The following ASRGL1 variants were observed in gnomAD, a reference collection of about 807,000 sequenced individuals.
ASRGL1 encodes isoaspartyl peptidase/L-asparaginase.
Under a neutral mutation model 22.4 loss-of-function variants are expected in ASRGL1, and 16 were observed. The ratio of observed to expected loss-of-function variants is 0.71; its 90% CI spans 0.48 to 1.08. The LOEUF is 1.08. ASRGL1 is among the 50% of genes least tolerant of loss of function. The pLI, the probability that ASRGL1 is intolerant of heterozygous loss-of-function variation, is 0.00. For synonymous variants in ASRGL1, 165 were observed against 159.3 expected, an observed-to-expected ratio of 1.04 and a Z score of -0.27; for missense variants, 412 against 410.1, an observed-to-expected ratio of 1.00 and a Z score of -0.04.
the ASRGL1 span, among the ~76,000 whole-genome samples, chr11:62,399,270 A>G: frequency 6.6e-6 from 1 of 152,322 alleles, no homozygotes; most frequent in South Asian, 2.1e-4. Context: ...ACAAAGGGTC[A>G]GGACTCAGGG....
chr11:62,351,437 G>A (rs763036337), intron 2 of ASRGL1, among the ~76,000 whole-genome samples: 1 of 152,106 alleles, frequency 6.6e-6, no homozygotes, highest in Non-Finnish European at 1.5e-5. Context: ...ATCACCTGAA[G>A]TCAGGAGTTC....
chr11:62,372,542 G>A (rs538942227), intron 4 of ASRGL1: 3 of 936,148 alleles, frequency 3.2e-6, no homozygotes, highest in East Asian at 2.4e-5. Flanking sequence ...GTTCCCCAGC[G>A]AGTGGCCATC....
chr11:62,366,328 A>C (rs1290105099), intron 4 of ASRGL1, among the ~76,000 whole-genome samples: 2 of 147,500 alleles, frequency 1.4e-5, no homozygotes, highest in Non-Finnish European at 3.0e-5. Flanking sequence ...CGATTTTTCA[A>C]GATACATTTA....
chr11:62,384,031 TGTGC>T (rs937163625), intron 4 of ASRGL1, among the ~76,000 whole-genome samples: 22 of 140,078 alleles, frequency 1.6e-4, no homozygotes, highest in African/African-American at 5.8e-4. Context: ...TGTGCACGTG[TGTGC>T]GTGTGTGTGT....
chr11:62,372,850 A>G (rs879146170), intron 4 of ASRGL1: 8 of 1,603,274 alleles, frequency 5.0e-6, no homozygotes, highest in South Asian at 2.2e-5. Flanking sequence ...AACACCTCCC[A>G]TGAATCTACC....
At chr11:62,385,762 T>G (rs1421637983) in intron 4 of ASRGL1, among the ~76,000 whole-genome samples, 5 of 150,946 alleles carry the variant, frequency 3.3e-5, no homozygotes, top group African/African-American at 4.9e-5. Context: ...TACTTGGGAG[T>G]CTGAGGCAGG....
intron 2 of ASRGL1, among the ~76,000 whole-genome samples, chr11:62,352,987 T>C (rs141772875): frequency 7.5e-4 from 114 of 152,310 alleles, no homozygotes; most frequent in East Asian, 7.3e-3. Context: ...TACAAGGAAT[T>C]TTCAGGCATT....
rs1314584138 is a variant in ASRGL1 at position 62,392,440 on chromosome 11, G to A, written c.*156G>A. 9 of 927,592 alleles carry A rather than the reference G, an allele frequency of 9.7e-6. No homozygotes were observed. Among genetic ancestry groups the A allele is most frequent in the Non-Finnish European group, 1.5e-5 (9 of 619,272 alleles). The allele number at this position is 927,592 out of a possible 1,614,324, so 57.5% of individuals were successfully genotyped here. A position where few individuals can be genotyped will look rare whatever the true frequency, so the allele number is the denominator to read the frequency against. ...AAGCATCTGAATGTTTGGTTGTGGG[G>A]CGGGTTCTGAAGCGATGAGAGAAAT... On this transcript the variant is annotated 3_prime_UTR_variant, in exon 7 of 7. Coordinates refer to ENST00000415229, the MANE Select transcript of ASRGL1 (RefSeq NM_001083926.2).
At chr11:62,372,291 G>A in intron 4 of ASRGL1, 2 of 1,602,778 alleles carry the variant, frequency 1.2e-6, no homozygotes, top group Non-Finnish European at 1.7e-6. Flanking sequence ...TGCGTTTGGG[G>A]AAAACAAGAT....
intron 2 of ASRGL1, among the ~76,000 whole-genome samples, chr11:62,353,748 A>G (rs1015770510): frequency 6.6e-6 from 1 of 152,128 alleles, no homozygotes; most frequent in Non-Finnish European, 1.5e-5. Flanking sequence ...TTGGTTCTTC[A>G]TATGATGAGT....
intron 4 of ASRGL1, among the ~76,000 whole-genome samples, chr11:62,365,684 CTAAAAATACAGAAAAAT>C (rs1445083958): frequency 6.6e-6 from 1 of 152,058 alleles, no homozygotes; most frequent in Non-Finnish European, 1.5e-5. Flanking sequence ...TTCATCTCTA[CTAAAAATACAGAAAAAT>C]TAGCTGGGTG....
At chr11:62,347,485 A>G (rs550969389) in intron 2 of ASRGL1, among the ~76,000 whole-genome samples, 1 of 152,112 alleles carries the variant, frequency 6.6e-6, no homozygotes, top group East Asian at 1.9e-4. Flanking sequence ...CAGTCATCTC[A>G]TTGGCATACA....
At chr11:62,377,466 T>C (rs145445016) in intron 4 of ASRGL1, among the ~76,000 whole-genome samples, 155 of 152,296 alleles carry the variant, frequency 1.0e-3, no homozygotes, top group Non-Finnish European at 1.2e-3. Context: ...TTTGAGCCGA[T>C]TGATAATGAG....
At position 62,380,331 on chromosome 11, in the gene ASRGL1, C is replaced by G. The variant is rs186539979; in HGVS notation, c.492-8802C>G. Among the ~76,000 whole-genome samples the G allele has an allele frequency of 1.7e-3, 259 of 152,212 alleles. 2 individuals carry two copies. The highest frequency in any genetic ancestry group is 5.9e-3 in the African/African-American group (245 of 41,506). On this transcript the variant is annotated intron_variant, in intron 4 of 6. Coordinates refer to ENST00000415229, the MANE Select transcript of ASRGL1 (RefSeq NM_001083926.2). ...GGTAATTGACTTTTGAGCAGCATCT[C>G]GGAGCCTTGCCACAAAATCAGGGTA...
At chr11:62,386,322 G>A (rs1240897497) in intron 4 of ASRGL1, among the ~76,000 whole-genome samples, 2 of 150,078 alleles carry the variant, frequency 1.3e-5, no homozygotes, top group South Asian at 2.1e-4. Context: ...ACTCAACTGC[G>A]GTCTGATGTT....
rs1364734885 is a variant in ASRGL1, at chr11:62,392,346, C to T, written c.*62C>T. 1.3e-6 allele frequency: 2 copies of T among 1,568,104 alleles called. No individual in the cohort carries two copies. The highest frequency in any genetic ancestry group is 1.4e-5 in the African/African-American group (1 of 73,814). ...GGTCAAGTACAGTCTCCTCATGAGA[C>T]ATAGCCTAATCAATTAGATCTAGAA... On this transcript the variant is annotated 3_prime_UTR_variant, in exon 7 of 7. Coordinates refer to ENST00000415229, the MANE Select transcript of ASRGL1 (RefSeq NM_001083926.2).
At chr11:62,362,009 C>T (rs1291017600) in intron 4 of ASRGL1, among the ~76,000 whole-genome samples, 1 of 152,056 alleles carries the variant, frequency 6.6e-6, no homozygotes, top group Non-Finnish European at 1.5e-5. Flanking sequence ...GAAGGCAAGC[C>T]TGTGATAATG....
intron 2 of ASRGL1, among the ~76,000 whole-genome samples, chr11:62,342,503 T>C (rs976015499): frequency 6.6e-6 from 1 of 152,224 alleles, no homozygotes; most frequent in African/African-American, 2.4e-5. Context: ...TACACATAAA[T>C]GGCAGCACTT....
intron 4 of ASRGL1, 77 bp downstream of exon 4, chr11:62,357,221 G>GTTGTTTTGTTTTGTT (rs1484578644): frequency 1.1e-5 from 7 of 645,806 alleles, no homozygotes; most frequent in Admixed American, 3.5e-5. Context: ...GTTATCTACA[G>GTTGTTTTGTTTTGTT]TTCTTTTGTT....
Sources: gnomAD v4.1 joint callset for allele counts (sites outside exome capture counted in the v4.1 genomes callset) on GRCh38, gnomAD v4.1.1 for gene constraint, MANE v1.5 for transcripts, NCBI Gene and HGNC (gene_info 2026-07-23, HGNC 2026-07-21) for gene names.